The following PPP2R2B variants were observed in gnomAD, a reference collection of about 807,000 sequenced individuals.
The protein encoded by PPP2R2B is protein phosphatase 2 regulatory subunit Bbeta, also known as serine/threonine-protein phosphatase 2A 55 kDa regulatory subunit B beta isoform.
A neutral mutation model predicts 46.0 loss-of-function variants in PPP2R2B; 5 were observed. The ratio of observed to expected loss-of-function variants is 0.11; its 90% CI spans 0.06 to 0.23. The LOEUF is 0.23. Among genes scored for constraint, PPP2R2B ranks in the 10% least tolerant of loss-of-function variants. The pLI is 1.00. For missense variants in PPP2R2B, 367 were observed against 575.0 expected, an observed-to-expected ratio of 0.64 and a Z score of 3.70; for synonymous variants, 215 against 206.7, an observed-to-expected ratio of 1.04 and a Z score of -0.34.
At chr5:146,870,647 C>T (rs769459907) in intron 2 of PPP2R2B, among the ~76,000 whole-genome samples, 6 of 152,296 alleles carry the variant, frequency 3.9e-5, no homozygotes, top group Admixed American at 2.6e-4. Flanking sequence ...ACACCTGAAA[C>T]ACATCCTCCC....
intron 1 of PPP2R2B, among the ~76,000 whole-genome samples, chr5:147,029,048 T>C (rs1755656581): frequency 6.6e-6 from 1 of 152,198 alleles, no homozygotes; most frequent in South Asian, 2.1e-4. Flanking sequence ...TGATGTTAAG[T>C]CTGTTGGTAG....
chr5:146,774,739 C>T (rs1755072478), intron 2 of PPP2R2B, among the ~76,000 whole-genome samples: 1 of 151,344 alleles, frequency 6.6e-6, no homozygotes, highest in African/African-American at 2.4e-5. Flanking sequence ...ATCGCTTGAG[C>T]CTGGGAGATA....
chr5:146,766,922 C>T (rs1040497039), intron 2 of PPP2R2B, among the ~76,000 whole-genome samples: 15 of 151,704 alleles, frequency 9.9e-5, no homozygotes, highest in African/African-American at 2.9e-4. Context: ...GGTGAGGTGG[C>T]GCATGCCTGT....
chr5:146,718,251 G>T (rs932914448), intron 2 of PPP2R2B, among the ~76,000 whole-genome samples: 1 of 152,036 alleles, frequency 6.6e-6, no homozygotes, highest in Non-Finnish European at 1.5e-5. Flanking sequence ...AGCCTGGCAT[G>T]GTGGCACACG....
At chr5:147,062,906 A>C (rs1444419947) in intron 2 of PPP2R2B, among the ~76,000 whole-genome samples, 1 of 140,654 alleles carries the variant, frequency 7.1e-6, no homozygotes, top group African/African-American at 2.6e-5. Context: ...TTCCTAGGAC[A>C]TGGTGCCAAG....
At chr5:146,953,118 A>G (rs1183739213) in intron 1 of PPP2R2B, among the ~76,000 whole-genome samples, 2 of 152,176 alleles carry the variant, frequency 1.3e-5, no homozygotes, top group Non-Finnish European at 2.9e-5. Context: ...AAAACAGAGC[A>G]CTGAGTTATA....
Position 146,860,851 on chromosome 5 carries a change from G to A in PPP2R2B, c.70+17151C>T, listed in dbSNP as rs1760942360. 1.3e-5 allele frequency among the ~76,000 whole-genome samples: 2 copies of A among 152,056 alleles called. 1 individual carries two copies. The highest frequency in any genetic ancestry group is 4.1e-4 in the South Asian group (2 of 4,828). On this transcript the variant is annotated intron_variant, in intron 2 of 9. Transcript: ENST00000394411. Reference sequence around the variant, plus strand: ...GTCCCCTTATAAAATGATTGGCTGAGATCAGAGATATAGTCTTAGCTTTCT... The same window carrying A: ...GTCCCCTTATAAAATGATTGGCTGAAATCAGAGATATAGTCTTAGCTTTCT...
At chr5:146,870,554 T>A (rs1286242987) in intron 2 of PPP2R2B, among the ~76,000 whole-genome samples, 4 of 152,164 alleles carry the variant, frequency 2.6e-5, no homozygotes, top group Admixed American at 2.6e-4. Flanking sequence ...GAAAACAAAA[T>A]TTCTGTTATT....
chr5:146,934,036 A>G (rs1764057843), intron 1 of PPP2R2B, among the ~76,000 whole-genome samples: 1 of 152,082 alleles, frequency 6.6e-6, no homozygotes, highest in African/African-American at 2.4e-5. Flanking sequence ...GCTGCATAGT[A>G]TTCCATGGTG....
At chr5:146,682,099 G>A (rs1452486626) in intron 5 of PPP2R2B, among the ~76,000 whole-genome samples, 4 of 152,138 alleles carry the variant, frequency 2.6e-5, no homozygotes, top group Non-Finnish European at 5.9e-5. Context: ...ATAGGGTTCT[G>A]CTTATATTTA....
At chr5:146,770,810 T>G (rs1051912531) in intron 2 of PPP2R2B, among the ~76,000 whole-genome samples, 1 of 152,148 alleles carries the variant, frequency 6.6e-6, no homozygotes, top group Non-Finnish European at 1.5e-5. Flanking sequence ...CTGAGTGCCT[T>G]TGGGGGCCAA....
chr5:147,060,665 C>A (rs1357696347), upstream of PPP2R2B, among the ~76,000 whole-genome samples: 2 of 151,894 alleles, frequency 1.3e-5, no homozygotes, highest in African/African-American at 2.4e-5. Flanking sequence ...CAAAACAAAA[C>A]AAAAAAATGA....
At chr5:146,681,386 A>G (rs965228059) in intron 5 of PPP2R2B, among the ~76,000 whole-genome samples, 3 of 152,174 alleles carry the variant, frequency 2.0e-5, no homozygotes, top group African/African-American at 7.2e-5. Flanking sequence ...TGCCATGTAC[A>G]TGCCTGCACG....
Position 146,822,211 on chromosome 5 carries a change from G to A in PPP2R2B, c.70+55791C>T, listed in dbSNP as rs192553791. Among the ~76,000 whole-genome samples, 174 of 152,336 alleles carry A rather than the reference G, an allele frequency of 1.1e-3. 1 individual carries two copies. Among genetic ancestry groups the A allele is most frequent in the Non-Finnish European group, 3.8e-4 (26 of 68,032 alleles). ...GACTGGCTCCTCAATTTAGAGCAGA[G>A]CCTTGCAAATGAGGATGAACATTTG... On this transcript the variant is annotated intron_variant, in intron 2 of 9. Transcript: ENST00000394411.
chr5:146,809,718 C>T (rs530415100), intron 2 of PPP2R2B, among the ~76,000 whole-genome samples: 13 of 152,214 alleles, frequency 8.5e-5, no homozygotes, highest in Admixed American at 2.0e-4. Context: ...CTAAGAACAA[C>T]GGGAAATGAT....
chr5:147,072,211 GCA>G (rs1432649874), intron 2 of PPP2R2B, among the ~76,000 whole-genome samples: 4 of 152,124 alleles, frequency 2.6e-5, no homozygotes, highest in Admixed American at 6.5e-5. Context: ...CTTTTTGTCT[GCA>G]ATGTGGGATT....
rs369216516 is a variant in PPP2R2B, at chr5:147,071,596, C to T, written c.50+9463G>A. Among the ~76,000 whole-genome samples, 6 of 152,184 alleles carry T rather than the reference C, an allele frequency of 3.9e-5. No individual in the cohort carries two copies. In the South Asian group the frequency reaches 1.2e-3, roughly 32 times the overall value. On this transcript the variant is annotated intron_variant, in intron 2 of 10. Transcript: ENST00000394413. The stretch of plus-strand genomic sequence containing the variant: ...TCAGGGCAATTGTACTGGCTGTTCC[C>T]TCTATCTGGAACTCTCCTCCCCAGA...
intron 1 of PPP2R2B, among the ~76,000 whole-genome samples, chr5:147,014,942 C>A (rs1268536896): frequency 6.6e-6 from 1 of 151,484 alleles, no homozygotes; most frequent in East Asian, 1.9e-4. Context: ...GGTCCTATCC[C>A]CAAGATATCT....
Position 146,717,671 on chromosome 5 carries a change from A to C in PPP2R2B, c.71-16529T>G, listed in dbSNP as rs941750699. Reference sequence around the variant, plus strand: ...TTTTGGGGAAGCTTTGGGGTAATACAACCTTTTGGTAGGTCATCATTAAGA... The same window carrying C: ...TTTTGGGGAAGCTTTGGGGTAATACCACCTTTTGGTAGGTCATCATTAAGA... On this transcript the variant is annotated intron_variant, in intron 2 of 9. Coordinates refer to ENST00000394411, the MANE Select transcript of PPP2R2B (RefSeq NM_181675.4). Among the ~76,000 whole-genome samples, 21 of 152,112 alleles carry C rather than the reference A, an allele frequency of 1.4e-4. 1 individual carries two copies. The highest frequency in any genetic ancestry group is 1.3e-3 in the Admixed American group (20 of 15,270).
Sources: gnomAD v4.1 joint callset for allele counts (sites outside exome capture counted in the v4.1 genomes callset) on GRCh38, gnomAD v4.1.1 for gene constraint, MANE v1.5 for transcripts, NCBI Gene and HGNC (gene_info 2026-07-23, HGNC 2026-07-21) for gene names.